Variants in MALRD1 observed in about 807,000 individuals in gnomAD.
The protein encoded by MALRD1 is MAM and LDL receptor class A domain containing 1.
A neutral mutation model predicts 242.1 loss-of-function variants in MALRD1; 247 were observed. The ratio of observed to expected loss-of-function variants is 1.02; its 90% CI spans 0.92 to 1.13. The LOEUF (loss-of-function observed/expected upper bound fraction) is 1.13, where lower values mean the gene tolerates loss of function less well. Ranked by LOEUF, MALRD1 falls within the 50% of genes most tolerant of loss-of-function variation. The pLI, the probability that MALRD1 is intolerant of heterozygous loss-of-function variation, is 0.00. For synonymous variants in MALRD1, 995 were observed against 866.6 expected, an observed-to-expected ratio of 1.15 and a Z score of -2.60; for missense variants, 2,989 against 2,533.1, an observed-to-expected ratio of 1.18 and a Z score of -3.86.
intron 28 of MALRD1, among the ~76,000 whole-genome samples, chr10:19,426,613 C>T (rs966611104): frequency 6.6e-6 from 1 of 152,024 alleles, no homozygotes; most frequent in South Asian, 2.1e-4. Flanking sequence ...ACCAACCTGG[C>T]CAACATGGTA....
chr10:19,363,003 G>C (rs2130712407), intron 26 of MALRD1, among the ~76,000 whole-genome samples: 1 of 152,138 alleles, frequency 6.6e-6, no homozygotes, highest in African/African-American at 2.4e-5. Flanking sequence ...GAGGGAGACT[G>C]TGGGAGGAGC....
chr10:19,698,464 T>C (rs138823395), intron 38 of MALRD1, among the ~76,000 whole-genome samples: 1,569 of 152,266 alleles, frequency 0.01, 21 homozygotes, highest in African/African-American at 0.035. Context: ...ACCATCTCTT[T>C]CCTCTTCCCA....
intron 7 of MALRD1, among the ~76,000 whole-genome samples, chr10:19,126,122 A>C (rs1837275576): frequency 6.6e-6 from 1 of 152,018 alleles, no homozygotes; most frequent in South Asian, 2.1e-4. Context: ...CTGTAGTGAC[A>C]GAGAAGTCTG....
chr10:19,315,928 A>G (rs1240517522), intron 21 of MALRD1, among the ~76,000 whole-genome samples: 1 of 149,734 alleles, frequency 6.7e-6, no homozygotes, highest in Non-Finnish European at 1.5e-5. Flanking sequence ...ATAGTAGTAT[A>G]CTGTTATACT....
intron 31 of MALRD1, among the ~76,000 whole-genome samples, chr10:19,519,772 A>ATAACAAAAAACTGG (rs1564408986): frequency 6.6e-6 from 1 of 152,178 alleles, no homozygotes; most frequent in African/African-American, 2.4e-5. Context: ...TCAAACAACA[A>ATAACAAAAAACTGG]TAACAAAAAA....
chr10:19,306,201 A>G (rs1267390709), intron 21 of MALRD1, among the ~76,000 whole-genome samples: 1 of 125,844 alleles, frequency 7.9e-6, no homozygotes, highest in Non-Finnish European at 1.6e-5. Flanking sequence ...TTACATATAT[A>G]GTATATATAT....
intron 1 of MALRD1, among the ~76,000 whole-genome samples, chr10:19,063,911 T>G: frequency 6.6e-6 from 1 of 152,088 alleles, no homozygotes; most frequent in African/African-American, 2.4e-5. Flanking sequence ...ACCTGCACAT[T>G]GTGCACATGT....
chr10:19,088,569 T>A (rs113240105), intron 4 of MALRD1, among the ~76,000 whole-genome samples: 6,447 of 90,116 alleles, frequency 0.072, 266 homozygotes, highest in African/African-American at 0.083. Flanking sequence ...TAAAGTTTTT[T>A]TTTATTTATT....
intron 21 of MALRD1, among the ~76,000 whole-genome samples, chr10:19,310,981 G>T (rs150914620): frequency 4.0e-5 from 6 of 151,394 alleles, no homozygotes; most frequent in Non-Finnish European, 8.9e-5. Flanking sequence ...TTTAGTGCTC[G>T]TCTCAGATTA....
chr10:19,467,483 A>G (rs1260621036), intron 29 of MALRD1, among the ~76,000 whole-genome samples: 1 of 149,992 alleles, frequency 6.7e-6, no homozygotes, highest in Non-Finnish European at 1.5e-5. Context: ...ATATTCTCTC[A>G]TTTAACCTTA....
intron 19 of MALRD1, among the ~76,000 whole-genome samples, chr10:19,271,293 A>G (rs1037762853): frequency 6.6e-6 from 1 of 152,236 alleles, no homozygotes; most frequent in Non-Finnish European, 1.5e-5. Flanking sequence ...ACACTAATGA[A>G]TTAAAGTACT....
rs369888696 is a variant in MALRD1 at position 19,498,473 on chromosome 10, T to G, written c.5159-12T>G. The G allele has an allele frequency of 6.5e-7, 1 of 1,536,668 alleles. No individual in the cohort carries two copies. On this transcript the variant is annotated splice_polypyrimidine_tract_variant and intron_variant, in intron 30 of 39. Coordinates refer to ENST00000454679, the MANE Select transcript of MALRD1 (RefSeq NM_001142308.3). ...ATTTCCAGAAATTCCATTAATGTTTTTGCTTCCCCAGCACATTATACAAGC... is the reference window on the plus strand; with the variant it reads ...ATTTCCAGAAATTCCATTAATGTTTGTGCTTCCCCAGCACATTATACAAGC...
At chr10:19,375,339 G>GTA (rs1230302427) in intron 26 of MALRD1, among the ~76,000 whole-genome samples, 10 of 152,134 alleles carry the variant, frequency 6.6e-5, no homozygotes, top group Admixed American at 6.5e-4. Context: ...GACAGCTAAT[G>GTA]TATACCCAGA....
chr10:19,558,528 G>A (rs2131429278), intron 32 of MALRD1, among the ~76,000 whole-genome samples: 1 of 152,194 alleles, frequency 6.6e-6, no homozygotes, highest in African/African-American at 2.4e-5. Context: ...TTGATATGAT[G>A]GATTACATTA....
intron 33 of MALRD1, among the ~76,000 whole-genome samples, chr10:19,571,158 C>A (rs1836516631): frequency 6.6e-6 from 1 of 152,116 alleles, no homozygotes; most frequent in South Asian, 2.1e-4. Context: ...TTCTTACTTG[C>A]CAAAGTTAAG....
chr10:19,393,587 A>G (rs533826104), intron 28 of MALRD1, among the ~76,000 whole-genome samples: 276 of 150,488 alleles, frequency 1.8e-3, no homozygotes, highest in Non-Finnish European at 2.2e-3. Flanking sequence ...CTGGGACTAC[A>G]GGCGCCGGCC....
chr10:19,703,984 A>T (rs573649502), intron 38 of MALRD1, among the ~76,000 whole-genome samples: 29 of 152,358 alleles, frequency 1.9e-4, no homozygotes, highest in African/African-American at 7.0e-4. Flanking sequence ...CAGCAGCCTG[A>T]CTATGCCCAT....
chr10:19,216,890 G>A (rs1837339637), intron 18 of MALRD1, among the ~76,000 whole-genome samples: 1 of 150,404 alleles, frequency 6.6e-6, no homozygotes, highest in African/African-American at 2.5e-5. Context: ...AGCTTGCAGT[G>A]AGCCAAGATC....
At chr10:19,086,388 G>C (rs1835669540) in intron 2 of MALRD1, among the ~76,000 whole-genome samples, 1 of 151,982 alleles carries the variant, frequency 6.6e-6, no homozygotes, top group Non-Finnish European at 1.5e-5. Flanking sequence ...TTGACAAAGA[G>C]AAGCACATGA....
Sources: gnomAD v4.1 joint callset for allele counts (sites outside exome capture counted in the v4.1 genomes callset) on GRCh38, gnomAD v4.1.1 for gene constraint, MANE v1.5 for transcripts, NCBI Gene and HGNC (gene_info 2026-07-23, HGNC 2026-07-21) for gene names.